PSMB11: variants seen among roughly 807,000 people sequenced by gnomAD.
PSMB11 encodes proteasome subunit beta 11.
For synonymous variants in PSMB11, 163 were observed against 167.7 expected (o/e 0.97, Z 0.22); for missense variants, 411 against 408.2 (o/e 1.01, Z -0.06).
rs1232936210 is a variant in PSMB11 at position 23,043,536 on chromosome 14, T to G, written c.*408T>G. On this transcript the variant is annotated 3_prime_UTR_variant, in exon 1 of 1. Transcript: ENST00000408907. ...CTTCAGCGTCTTTGTCTTTTTCTCC[T>G]GATCACTTTGTCAGCATGGTAAGAT... 1 of 169,676 alleles carries G rather than the reference T, an allele frequency of 5.9e-6. No homozygotes were observed. The highest frequency in any genetic ancestry group is 1.3e-5 in the Non-Finnish European group (1 of 74,640). The allele number at this position is 169,676 out of a possible 1,614,324, so 10.5% of individuals were successfully genotyped here.
chr14:23,042,737 A>AG lies in PSMB11; in HGVS notation c.517dup (p.Asp173GlyfsTer44). The AG allele has an allele frequency of 3.7e-6, 6 of 1,613,318 alleles. No homozygotes were observed. The highest frequency in any genetic ancestry group is 5.1e-6 in the Non-Finnish European group (6 of 1,179,960). On this transcript the variant is annotated frameshift_variant, in exon 1 of 1. Coordinates refer to ENST00000408907, the MANE Select transcript of PSMB11 (RefSeq NM_001099780.2). LOFTEE classifies it low-confidence loss of function (END_TRUNC). ...GTCTATAGCGACGGCACCCGCCTGC[A>AG]GGGGGACATCTTCTCTGTGGGCTCT...
Position 23,043,174 on chromosome 14 carries a change from G to T in PSMB11, c.*46G>T, listed in dbSNP as rs1200239181. 7.0e-7 allele frequency: 1 copy of T among 1,428,286 alleles called. No homozygotes were observed. Among genetic ancestry groups the T allele is most frequent in the South Asian group, 1.3e-5 (1 of 75,394 alleles). The allele number at this position is 1,428,286 out of a possible 1,614,324, so 88.5% of individuals were successfully genotyped here. On this transcript the variant is annotated 3_prime_UTR_variant, in exon 1 of 1. Transcript: ENST00000408907. ...ATGGTGTAGGCCTGGGGAGTGGGTG[G>T]GAGGATGGGCAGCAGGGGGAGGGTC...
At position 23,042,584 on chromosome 14, in the gene PSMB11, G is replaced by A. The variant is rs767071468; in HGVS notation, c.359G>A (p.Gly120Asp). Residue 120 changes from glycine (G) to aspartate (D), a missense_variant, in exon 1 of 1, where the codon GGT becomes GAT. Coordinates refer to ENST00000408907, the MANE Select transcript of PSMB11 (RefSeq NM_001099780.2). ...CTGCGGCTTCGGGAACTGAGGGAGG[G>A]TCAGCTGCCCAGTGTGGCCAGTGCT... Reference protein sequence around the residue: ...RELRLRELREGQLPSVASAAK... With the variant: ...RELRLRELREDQLPSVASAAK... 6.2e-6 allele frequency: 10 copies of A among 1,614,202 alleles called. No individual in the cohort carries two copies. The Middle Eastern group carries it at 1.6e-3, about 266-fold the overall frequency.
chr14:23,042,917 G>A lies in PSMB11; in HGVS notation c.692G>A (p.Ser231Asn). The A allele has an allele frequency of 1.2e-6, 2 of 1,614,174 alleles. No homozygotes were observed. The highest frequency in any genetic ancestry group is 8.5e-7 in the Non-Finnish European group (1 of 1,180,016). The change falls in exon 1 of 1, where the codon AGT becomes AAT. Residue 231 changes from serine (S) to asparagine (N), a missense_variant. Physicochemically the swap from Ser to Asn is conservative, Grantham distance 46. Transcript: ENST00000408907. ...GTAGACCTTTTCCACGTGCGGGAGA[G>A]TGGATGGGAGCATGTGTCACGCAGT... Reference protein sequence around the residue: ...GSVDLFHVRESGWEHVSRSDA... With the variant: ...GSVDLFHVRENGWEHVSRSDA...
chr14:23,042,782 GC>G lies in PSMB11; in HGVS notation c.558del (p.Val187CysfsTer2). The G allele has an allele frequency of 6.2e-7, 1 of 1,612,962 alleles. No homozygotes were observed. The highest frequency in any genetic ancestry group is 1.1e-5 in the South Asian group (1 of 91,086). ...SVGSGSPYAY[G>X]VLDRGYRYDM... ...GGCTCTGGATCTCCCTATGCCTACG[GC>G]GTGCTAGACCGTGGCTATCGCTACG... On this transcript the variant is annotated frameshift_variant, in exon 1 of 1. Coordinates refer to ENST00000408907, the MANE Select transcript of PSMB11 (RefSeq NM_001099780.2). LOFTEE classifies it low-confidence loss of function (END_TRUNC).
chr14:23,043,090 G>A lies in PSMB11; in HGVS notation c.865G>A (p.Gly289Arg). Reference protein sequence around the residue: ...LSVGPGEVTPGDSRMPAGTET... With the variant: ...LSVGPGEVTPRDSRMPAGTET... ...TGTGGGGCCAGGGGAGGTGACACCAGGAGACTCCAGGATGCCAGCAGGGAC... is the reference window on the plus strand; with the variant it reads ...TGTGGGGCCAGGGGAGGTGACACCAAGAGACTCCAGGATGCCAGCAGGGAC... Residue 289 changes from glycine to arginine, a missense_variant, in exon 1 of 1, where the codon GGA becomes AGA. Physicochemically the swap from Gly to Arg is moderately radical, Grantham distance 125 (BLOSUM62 -2). Coordinates refer to ENST00000408907, the MANE Select transcript of PSMB11 (RefSeq NM_001099780.2). The A allele has an allele frequency of 6.2e-7, 1 of 1,613,396 alleles. No homozygotes were observed. Among genetic ancestry groups the A allele is most frequent in the Non-Finnish European group, 8.5e-7 (1 of 1,179,620 alleles).
chr14:23,043,062 C>G lies in PSMB11; in HGVS notation c.837C>G (p.Leu279=), dbSNP rs372255144. ...TAHRAAEDRE[L]SVGPGEVTPG... ...ACAGAGCTGCAGAAGATAGAGAGCT[C>G]TCTGTGGGGCCAGGGGAGGTGACAC... The change falls in exon 1 of 1, where the codon CTC becomes CTG. Residue 279 remains leucine, a synonymous_variant. Coordinates refer to ENST00000408907, the MANE Select transcript of PSMB11 (RefSeq NM_001099780.2). 1.2e-6 allele frequency: 2 copies of G among 1,613,768 alleles called. No homozygotes were observed. The highest frequency in any genetic ancestry group is 1.1e-5 in the South Asian group (1 of 91,012).
In PSMB11 at chr14:23,042,466, T is replaced by C. The variant is rs889257193; in HGVS notation, c.241T>C (p.Cys81Arg). ...CGSYVACPAS[C>R]KVIPVHQHLL... ...CAGCTATGTGGCGTGTCCAGCCTCATGCAAGGTCATCCCTGTGCACCAGCA... is the reference window on the plus strand; with the variant it reads ...CAGCTATGTGGCGTGTCCAGCCTCACGCAAGGTCATCCCTGTGCACCAGCA... Residue 81 changes from cysteine (C) to arginine (R), a missense_variant, in exon 1 of 1, where the codon TGC (cysteine) becomes CGC (arginine). Physicochemically the swap from Cys to Arg is radical, Grantham distance 180. Coordinates refer to ENST00000408907, the MANE Select transcript of PSMB11 (RefSeq NM_001099780.2). 1.2e-6 allele frequency: 2 copies of C among 1,614,148 alleles called. No individual in the cohort carries two copies. Among genetic ancestry groups the C allele is most frequent in the East Asian group, 4.5e-5 (2 of 44,878 alleles).
In PSMB11 at chr14:23,043,279, C is replaced by T; in HGVS notation, c.*151C>T. ...CATTTATTGCAAGTCTCCATCCTTT[C>T]ATGACTCCCAGAGCTATTATGGCTC... On this transcript the variant is annotated 3_prime_UTR_variant, in exon 1 of 1. Transcript: ENST00000408907. The T allele has an allele frequency of 3.3e-6, 2 of 612,020 alleles. No individual in the cohort carries two copies. The highest frequency in any genetic ancestry group is 5.9e-6 in the Non-Finnish European group (2 of 341,120). 37.9% of individuals were successfully genotyped at this position (612,020 alleles called of 1,614,324 possible).
In PSMB11 at chr14:23,043,024, C is replaced by A. The variant is rs2047022917; in HGVS notation, c.799C>A (p.Pro267Thr). ...GGATGCCAGCCATGCCCATCCTGAG[C>A]CTGCCACTGCCCACAGAGCTGCAGA... Reference protein sequence around the residue: ...EEDASHAHPEPATAHRAAEDR... With the variant: ...EEDASHAHPETATAHRAAEDR... The change falls in exon 1 of 1, where the codon CCT becomes ACT. Residue 267 changes from proline to threonine, a missense_variant. By Grantham distance (38) the Pro-to-Thr change is conservative. Coordinates refer to ENST00000408907, the MANE Select transcript of PSMB11 (RefSeq NM_001099780.2). 10 of 1,613,962 alleles carry A rather than the reference C, an allele frequency of 6.2e-6. No individual in the cohort carries two copies. Among genetic ancestry groups the A allele is most frequent in the Non-Finnish European group, 8.5e-6 (10 of 1,179,954 alleles).
Position 23,042,712 on chromosome 14 carries a change from G to A in PSMB11, c.487G>A (p.Val163Ile), listed in dbSNP as rs543397338. The A allele has an allele frequency of 6.0e-5, 96 of 1,613,080 alleles. 1 individual carries two copies. Among genetic ancestry groups the A allele is most frequent in the South Asian group, 5.8e-4 (53 of 91,068 alleles). Reference sequence around the variant, plus strand: ...CCGCTCTGGCCCTGAGCTCTTCTACGTCTATAGCGACGGCACCCGCCTGCA... The same window carrying A: ...CCGCTCTGGCCCTGAGCTCTTCTACATCTATAGCGACGGCACCCGCCTGCA... ...WDRSGPELFY[V>I]YSDGTRLQGD... Residue 163 changes from valine (V) to isoleucine (I), a missense_variant, in exon 1 of 1, where the codon GTC becomes ATC. By Grantham distance (29) the Val-to-Ile change is conservative. Coordinates refer to ENST00000408907, the MANE Select transcript of PSMB11 (RefSeq NM_001099780.2).
At position 23,043,108 on chromosome 14, in the gene PSMB11, G is replaced by T; in HGVS notation, c.883G>T (p.Ala295Ser). The T allele has an allele frequency of 6.2e-7, 1 of 1,612,014 alleles. No homozygotes were observed. The highest frequency in any genetic ancestry group is 1.3e-5 in the African/African-American group (1 of 74,998). Residue 295 changes from alanine (A) to serine (S), a missense_variant, in exon 1 of 1, where the codon GCA (alanine) becomes TCA (serine). Transcript: ENST00000408907. ...GACACCAGGAGACTCCAGGATGCCA[G>T]CAGGGACTGAGACGGTGTGAGAAGC... ...EVTPGDSRMP[A>S]GTETV
In PSMB11 at chr14:23,042,771, C is replaced by G. The variant is rs1285247799; in HGVS notation, c.546C>G (p.Pro182=). The G allele has an allele frequency of 6.2e-7, 1 of 1,613,204 alleles. No homozygotes were observed. ...GDIFSVGSGS[P]YAYGVLDRGY... ...TCTTCTCTGTGGGCTCTGGATCTCC[C>G]TATGCCTACGGCGTGCTAGACCGTG... Residue 182 remains proline, a synonymous_variant, in exon 1 of 1, where the codon CCC becomes CCG. Transcript: ENST00000408907.
Position 23,043,552 on chromosome 14 carries a change from A to G in PSMB11, c.*424A>G. Reference sequence around the variant, plus strand: ...TTTTTCTCCTGATCACTTTGTCAGCATGGTAAGATGGGGCACCCGGGAAGG... The same window carrying G: ...TTTTTCTCCTGATCACTTTGTCAGCGTGGTAAGATGGGGCACCCGGGAAGG... On this transcript the variant is annotated 3_prime_UTR_variant, in exon 1 of 1. Coordinates refer to ENST00000408907, the MANE Select transcript of PSMB11 (RefSeq NM_001099780.2). 5.7e-6 allele frequency: 1 copy of G among 175,536 alleles called. No individual in the cohort carries two copies. The allele number at this position is 175,536 out of a possible 1,614,324, so 10.9% of individuals were successfully genotyped here. A position where few individuals can be genotyped will look rare whatever the true frequency, so the allele number is the denominator to read the frequency against.
chr14:23,044,014 C>T lies in PSMB11; in HGVS notation c.*886C>T, dbSNP rs2047027692. 1 of 167,378 alleles carries T rather than the reference C, an allele frequency of 6.0e-6. No homozygotes were observed. The highest frequency in any genetic ancestry group is 2.1e-4 in the South Asian group (1 of 4,846). The allele number at this position is 167,378 out of a possible 1,614,324, so 10.4% of individuals were successfully genotyped here. A position where few individuals can be genotyped will look rare whatever the true frequency, so the allele number is the denominator to read the frequency against. On this transcript the variant is annotated 3_prime_UTR_variant, in exon 1 of 1. Transcript: ENST00000408907. ...GCCTGGAGCCATCCCCCACAGCCCACCCTTGCTCTCCAGCTTTCTGGGCCT... is the reference window on the plus strand; with the variant it reads ...GCCTGGAGCCATCCCCCACAGCCCATCCTTGCTCTCCAGCTTTCTGGGCCT...
At position 23,043,201 on chromosome 14, in the gene PSMB11, C is replaced by G. The variant is rs143081149; in HGVS notation, c.*73C>G. The G allele has an allele frequency of 9.0e-7, 1 of 1,106,416 alleles. No individual in the cohort carries two copies. Among genetic ancestry groups the G allele is most frequent in the Non-Finnish European group, 1.3e-6 (1 of 773,786 alleles). 68.5% of individuals were successfully genotyped at this position (1,106,416 alleles called of 1,614,324 possible). A position where few individuals can be genotyped will look rare whatever the true frequency, so the allele number is the denominator to read the frequency against. On this transcript the variant is annotated 3_prime_UTR_variant, in exon 1 of 1. Coordinates refer to ENST00000408907, the MANE Select transcript of PSMB11 (RefSeq NM_001099780.2). Reference sequence around the variant, plus strand: ...AGGATGGGCAGCAGGGGGAGGGTCCCGCTGGCAGCAGCCTCACAGCGTCTG... The same window carrying G: ...AGGATGGGCAGCAGGGGGAGGGTCCGGCTGGCAGCAGCCTCACAGCGTCTG...
chr14:23,042,559 C>G lies in PSMB11; in HGVS notation c.334C>G (p.Leu112Val). 4 of 1,614,180 alleles carry G rather than the reference C, an allele frequency of 2.5e-6. No homozygotes were observed. Among genetic ancestry groups the G allele is most frequent in the Non-Finnish European group, 2.5e-6 (3 of 1,180,018 alleles). Residue 112 changes from leucine (L) to valine (V), a missense_variant, in exon 1 of 1, where the codon CTG becomes GTG. Physicochemically the swap from Leu to Val is conservative, Grantham distance 32. Transcript: ENST00000408907. ...CTGGTATCGGGTATTACAGCGGGAG[C>G]TGCGGCTTCGGGAACTGAGGGAGGG... Reference protein sequence around the residue: ...ATWYRVLQRELRLRELREGQL... With the variant: ...ATWYRVLQREVRLRELREGQL...
In PSMB11 at chr14:23,042,300, C is replaced by A; in HGVS notation, c.75C>A (p.Gly25=). The A allele has an allele frequency of 1.2e-6, 2 of 1,613,064 alleles. No individual in the cohort carries two copies. The highest frequency in any genetic ancestry group is 1.7e-6 in the Non-Finnish European group (2 of 1,179,664). The change falls in exon 1 of 1, where the codon GGC becomes GGA. Residue 25 remains glycine (G), a synonymous_variant. Transcript: ENST00000408907. Reference sequence around the variant, plus strand: ...CATCACCTCACCTGCCTCGGGCTGGCGGCTGGGCTGTGCCCCGGGGTTGTG... The same window carrying A: ...CATCACCTCACCTGCCTCGGGCTGGAGGCTGGGCTGTGCCCCGGGGTTGTG... The part of the protein sequence containing the change: ...QGPSPHLPRA[G]GWAVPRGCDP...
chr14:23,042,737 A>G lies in PSMB11; in HGVS notation c.512A>G (p.Gln171Arg), dbSNP rs1163590208. The G allele has an allele frequency of 6.2e-7, 1 of 1,613,318 alleles. No individual in the cohort carries two copies. Among genetic ancestry groups the G allele is most frequent in the South Asian group, 1.1e-5 (1 of 91,080 alleles). Residue 171 changes from glutamine to arginine, a missense_variant, in exon 1 of 1, where the codon CAG becomes CGG. Gln to Arg is a conservative substitution (Grantham distance 43). Transcript: ENST00000408907. ...GTCTATAGCGACGGCACCCGCCTGC[A>G]GGGGGACATCTTCTCTGTGGGCTCT... The part of the protein sequence containing the change: ...FYVYSDGTRL[Q>R]GDIFSVGSGS...
Sources: allele counts gnomAD v4.1 joint callset, GRCh38; gene constraint gnomAD v4.1.1; transcripts MANE v1.5; gene names NCBI Gene and HGNC (gene_info 2026-07-23, HGNC 2026-07-21).